Variants in RAB3GAP2 observed in about 807,000 individuals in gnomAD.
RAB3GAP2 encodes the protein RAB3 GTPase activating non-catalytic protein subunit 2, also known as rab3 GTPase-activating protein non-catalytic subunit.
Under a neutral mutation model 185.3 loss-of-function variants are expected in RAB3GAP2, and 87 were observed. The ratio of observed to expected loss-of-function variants is 0.47; its 90% CI spans 0.39 to 0.56. RAB3GAP2 has a LOEUF of 0.56. Ranked by LOEUF, RAB3GAP2 falls within the 20% of genes least tolerant of loss-of-function variation. The pLI is 0.00. For missense variants in RAB3GAP2, 1,492 were observed against 1,638.2 expected (o/e 0.91, Z 1.54); for synonymous variants, 554 against 576.1 (o/e 0.96, Z 0.55).
In RAB3GAP2 at chr1:220,242,782, T is replaced by C. The variant is rs548963694; in HGVS notation, c.116-9919A>G. Among the ~76,000 whole-genome samples, 9 of 152,316 alleles carry C rather than the reference T, an allele frequency of 5.9e-5. No homozygotes were observed. In the East Asian group the frequency reaches 1.7e-3, roughly 29 times the overall value. ...TGTGACTTCAAATATAAGGTAATCATCTATTTTTCCAAACAGAAGATCCAA... is the reference window on the plus strand; with the variant it reads ...TGTGACTTCAAATATAAGGTAATCACCTATTTTTCCAAACAGAAGATCCAA... On this transcript the variant is annotated intron_variant, in intron 1 of 34. Coordinates refer to ENST00000358951, the MANE Select transcript of RAB3GAP2 (RefSeq NM_012414.4).
intron 9 of RAB3GAP2, 41 bp from the exon 10 acceptor site, chr1:220,196,439 T>A (rs1421416007): frequency 6.5e-7 from 1 of 1,529,946 alleles, no homozygotes. Context: ...ACAATGTTAT[T>A]GCGGTCATTA....
At chr1:220,214,065 A>AC (rs1659137169) in intron 2 of RAB3GAP2, 86 bp from the exon 3 acceptor site, 6 of 1,261,482 alleles carry the variant, frequency 4.8e-6, no homozygotes, top group Non-Finnish European at 6.9e-6. Flanking sequence ...GTGAGAGGGA[A>AC]GAAAAAAAAG....
chr1:220,214,649 T>C (rs970051332), intron 2 of RAB3GAP2, among the ~76,000 whole-genome samples: 3 of 152,132 alleles, frequency 2.0e-5, no homozygotes, highest in Non-Finnish European at 4.4e-5. Context: ...ATGTTTATTA[T>C]GGTTATAGGA....
intron 1 of RAB3GAP2, among the ~76,000 whole-genome samples, chr1:220,238,069 GTCTC>G (rs1571921959): frequency 2.0e-5 from 3 of 151,922 alleles, no homozygotes; most frequent in Admixed American, 6.6e-5. Context: ...TTGAGAAGGG[GTCTC>G]TCTGTCACCC....
chr1:220,168,062 C>T (rs924196811), intron 24 of RAB3GAP2, among the ~76,000 whole-genome samples: 6 of 152,050 alleles, frequency 3.9e-5, no homozygotes, highest in Non-Finnish European at 8.8e-5. Context: ...TGACATTTGT[C>T]TAGGCTCCTA....
At chr1:220,270,418 T>A (rs1397167685) in intron 1 of RAB3GAP2, among the ~76,000 whole-genome samples, 3 of 152,226 alleles carry the variant, frequency 2.0e-5, no homozygotes, top group Non-Finnish European at 4.4e-5. Flanking sequence ...ACTATCTATA[T>A]CTGGTGTTCA....
intron 1 of RAB3GAP2, among the ~76,000 whole-genome samples, chr1:220,257,667 CTAGA>C (rs2102528977): frequency 6.6e-6 from 1 of 152,060 alleles, no homozygotes; most frequent in African/African-American, 2.4e-5. Context: ...GTAAAAAGAA[CTAGA>C]GAACCAAGAG....
At chr1:220,213,784 T>G in intron 3 of RAB3GAP2, 72 bp downstream of exon 3, 1 of 1,513,070 alleles carries the variant, frequency 6.6e-7, no homozygotes, top group Non-Finnish European at 9.2e-7. Flanking sequence ...ATTATATTCT[T>G]TTCACCTAAT....
chr1:220,153,845 T>C, intron 32 of RAB3GAP2, 123 bp downstream of exon 32: 1 of 1,287,238 alleles, frequency 7.8e-7, no homozygotes, highest in African/African-American at 1.5e-5. Flanking sequence ...AGTGAGAACA[T>C]GTGCTGTTTG....
intron 2 of RAB3GAP2, among the ~76,000 whole-genome samples, chr1:220,218,552 A>G (rs1303936505): frequency 6.6e-6 from 1 of 152,128 alleles, no homozygotes; most frequent in East Asian, 1.9e-4. Flanking sequence ...GAACACTTGG[A>G]CACAGGGTGG....
At chr1:220,159,151 A>G (rs966902873) in intron 29 of RAB3GAP2, among the ~76,000 whole-genome samples, 1 of 152,224 alleles carries the variant, frequency 6.6e-6, no homozygotes, top group Non-Finnish European at 1.5e-5. Flanking sequence ...AAGCTGAACA[A>G]CATCTTATAA....
chr1:220,186,079 G>T (rs1658502408), intron 17 of RAB3GAP2, among the ~76,000 whole-genome samples: 1 of 152,030 alleles, frequency 6.6e-6, no homozygotes, highest in Non-Finnish European at 1.5e-5. Flanking sequence ...ATACTATATA[G>T]GCATAAACGA....
intron 26 of RAB3GAP2, among the ~76,000 whole-genome samples, chr1:220,166,089 G>A (rs975622900): frequency 2.0e-5 from 3 of 152,130 alleles, no homozygotes; most frequent in Non-Finnish European, 4.4e-5. Context: ...AAATATGATC[G>A]CCATTCAGGC....
chr1:220,202,447 C>G, intron 8 of RAB3GAP2, 73 bp from the exon 9 acceptor site: 1 of 1,452,744 alleles, frequency 6.9e-7, no homozygotes, highest in Non-Finnish European at 9.6e-7. Flanking sequence ...ACATTAAAAC[C>G]ATACTAATTT....
At chr1:220,221,604 T>C (rs926104802) in intron 2 of RAB3GAP2, among the ~76,000 whole-genome samples, 1 of 152,222 alleles carries the variant, frequency 6.6e-6, no homozygotes, top group South Asian at 2.1e-4. Flanking sequence ...TGGCCTAAAC[T>C]TCAAGAATTT....
intron 9 of RAB3GAP2, 142 bp downstream of exon 9, chr1:220,202,134 C>A (rs904133121): frequency 1.1e-6 from 1 of 905,170 alleles, no homozygotes; most frequent in African/African-American, 1.7e-5. Context: ...CACTGCACTC[C>A]TGCCTGGGTG....
At position 220,195,318 on chromosome 1, in the gene RAB3GAP2, A is replaced by T; in HGVS notation, c.1020T>A (p.Ser340=). Reference sequence around the variant, plus strand: ...ATTACCTGGCAGCATTAAATAAAGCAGAAGTGAGTTTACTTGCAACTGCTA... The same window carrying T: ...ATTACCTGGCAGCATTAAATAAAGCTGAAGTGAGTTTACTTGCAACTGCTA... ...VALAVASKLT[S]ALFNAASGWL... is the part of the protein sequence containing the mutation. Residue 340 remains serine (S), a synonymous_variant, in exon 11 of 35, where the codon TCT becomes TCA. Transcript: ENST00000358951. 2 of 1,611,812 alleles carry T rather than the reference A, an allele frequency of 1.2e-6. No homozygotes were observed. The highest frequency in any genetic ancestry group is 8.5e-7 in the Non-Finnish European group (1 of 1,177,858).
intron 1 of RAB3GAP2, chr1:220,267,075 A>G: frequency 6.2e-7 from 1 of 1,600,122 alleles, no homozygotes; most frequent in Non-Finnish European, 8.6e-7. Flanking sequence ...TGGAAGATGG[A>G]GCATGTTCTG....
rs1657901735 is a variant in RAB3GAP2, at chr1:220,158,557, C to T, written c.3262-681G>A. On this transcript the variant is annotated intron_variant, in intron 29 of 34. Transcript: ENST00000358951. The surrounding 1 kb of genome is among the most constrained non-coding windows in gnomAD (Gnocchi z 4.3). ...CCAGGTTCAAGCGATTATCCTGCCT[C>T]AGCCTCCTGAGTAGCTGGGATTACA... Among the ~76,000 whole-genome samples the T allele has an allele frequency of 6.6e-6, 1 of 152,056 alleles. No individual in the cohort carries two copies. The highest frequency in any genetic ancestry group is 2.4e-5 in the African/African-American group (1 of 41,398).
Sources: gnomAD v4.1 joint callset for allele counts (sites outside exome capture counted in the v4.1 genomes callset) on GRCh38, gnomAD v4.1.1 for gene constraint, Gnocchi (gnomAD v3.1) non-coding constraint, MANE v1.5 for transcripts, NCBI Gene and HGNC (gene_info 2026-07-23, HGNC 2026-07-21) for gene names.